ABCB4: variants seen among roughly 807,000 people sequenced by gnomAD.
The protein encoded by ABCB4 is phosphatidylcholine translocator ABCB4.
Under a neutral mutation model 145.7 loss-of-function variants are expected in ABCB4, and 76 were observed. The ratio of observed to expected loss-of-function variants is 0.52; its 90% CI spans 0.43 to 0.63. The LOEUF is 0.63. Ranked by LOEUF, ABCB4 falls within the 30% of genes least tolerant of loss-of-function variation. The probability of loss-of-function intolerance (pLI) is 0.00; values close to 1 mark genes in which losing one functional copy is unlikely to be tolerated. For synonymous variants in ABCB4, 517 were observed against 566.8 expected (o/e 0.91, Z 1.25); for missense variants, 1,234 against 1,553.1 (o/e 0.79, Z 3.45).
chr7:87,456,425 C>T (rs913996512), intron 4 of ABCB4, among the ~76,000 whole-genome samples: 5 of 152,132 alleles, frequency 3.3e-5, no homozygotes, highest in African/African-American at 1.2e-4. Context: ...AGATAATGAG[C>T]GAGTTCTCAC....
chr7:87,376,027 T>C, the ABCB4 span: 2 of 1,403,110 alleles, frequency 1.4e-6, no homozygotes, highest in Non-Finnish European at 1.9e-6. Flanking sequence ...AACATGGAAG[T>C]TTTTTTTCTT....
At chr7:87,406,590 G>T in intron 25 of ABCB4, 96 bp from the exon 26 acceptor site, 1 of 1,339,794 alleles carries the variant, frequency 7.5e-7, no homozygotes. Context: ...CGTTGCATGA[G>T]GGTGTCAGCA....
At position 87,422,210 on chromosome 7, in the gene ABCB4, C is replaced by T. The variant is rs188635838; in HGVS notation, c.2227G>A (p.Asp743Asn). The change falls in exon 18 of 28, where the codon GAT becomes AAT. Residue 743 changes from aspartate (D) to asparagine (N), a missense_variant. Around this residue, in one of 7 missense-constraint regions of ABCB4, gnomAD observed 321 missense variants for 332.6 expected, o/e 0.97. Transcript: ENST00000649586. ...SEIIAIFGPG[D>N]DAVKQQKCNI... ...CACTTCTGCTGCTTCACTGCATCATCGCCTGGTCCAAAAATCTACAAAAGA... is the reference window on the plus strand; with the variant it reads ...CACTTCTGCTGCTTCACTGCATCATTGCCTGGTCCAAAAATCTACAAAAGA... The T allele has an allele frequency of 9.3e-6, 15 of 1,613,298 alleles. No homozygotes were observed. The highest frequency in any genetic ancestry group is 4.4e-5 in the South Asian group (4 of 91,022).
Position 87,424,017 on chromosome 7 carries a change from G to C in ABCB4, c.2100C>G (p.Val700=), listed in dbSNP as rs199934741. The C allele has an allele frequency of 1.1e-5, 17 of 1,614,020 alleles. No individual in the cohort carries two copies. In the East Asian group the frequency reaches 3.6e-4, roughly 34 times the overall value. The change falls in exon 17 of 28, where the codon GTC becomes GTG. Residue 700 remains valine (V), a synonymous_variant. Coordinates refer to ENST00000649586, the MANE Select transcript of ABCB4 (RefSeq NM_000443.4). ...GCCATTCTGTTTTATTCAGTTTCAG[G>C]ACCTTCAGAAAGGACACTGGTGGCA... The part of the protein sequence containing the change: ...ANVPPVSFLK[V]LKLNKTEWPY...
the ABCB4 span, among the ~76,000 whole-genome samples, chr7:87,380,070 C>T: frequency 6.6e-6 from 1 of 152,014 alleles, no homozygotes; most frequent in South Asian, 2.1e-4. Context: ...ATGGTTGTAC[C>T]ACTGCACTCC....
intron 22 of ABCB4, among the ~76,000 whole-genome samples, chr7:87,413,221 T>C (rs1808744909): frequency 6.6e-6 from 1 of 152,214 alleles, no homozygotes; most frequent in Non-Finnish European, 1.5e-5. Context: ...ATGAAATACT[T>C]TCCTCTGGAA....
Position 87,459,585 on chromosome 7 carries a change from A to T in ABCB4, c.286+3173T>A, listed in dbSNP as rs552633468. ...TAACCCTGTGTAGAAGCCATTTAAAATTTTTTTTTTACTTTAAATTTATTT... is the reference window on the plus strand; with the variant it reads ...TAACCCTGTGTAGAAGCCATTTAAATTTTTTTTTTTACTTTAAATTTATTT... On this transcript the variant is annotated intron_variant, in intron 4 of 27. Coordinates refer to ENST00000649586, the MANE Select transcript of ABCB4 (RefSeq NM_000443.4). 1.1e-4 allele frequency among the ~76,000 whole-genome samples: 16 copies of T among 150,246 alleles called. No individual in the cohort carries two copies. In the East Asian group the frequency reaches 1.4e-3, roughly 13 times the overall value.
At position 87,449,989 on chromosome 7, in the gene ABCB4, C is replaced by T; in HGVS notation, c.812G>A (p.Gly271Asp). Residue 271 changes from glycine to aspartate, a missense_variant, in exon 8 of 28, where the codon GGC (glycine) becomes GAC (aspartate). Gly to Asp is a moderately conservative substitution (Grantham distance 94). This residue lies in a region of ABCB4 where 467 missense variants were observed against 632.8 expected (regional missense o/e 0.74). Coordinates refer to ENST00000649586, the MANE Select transcript of ABCB4 (RefSeq NM_000443.4). ...TGACCTTTCCAGCTCTTTGTTCTGG[C>T]CCCCGAAAGCTATCACAGTCCTGAT... ...GAIRTVIAFG[G>D]QNKELERYQK... The T allele has an allele frequency of 6.2e-7, 1 of 1,614,140 alleles. No individual in the cohort carries two copies. Among genetic ancestry groups the T allele is most frequent in the South Asian group, 1.1e-5 (1 of 91,084 alleles).
At chr7:87,421,481 T>C (rs1809427608) in intron 18 of ABCB4, among the ~76,000 whole-genome samples, 1 of 152,138 alleles carries the variant, frequency 6.6e-6, no homozygotes, top group Non-Finnish European at 1.5e-5. Flanking sequence ...GATTTCTAAA[T>C]AAAAAACTTG....
chr7:87,443,589 T>C, intron 11 of ABCB4, 74 bp downstream of exon 11: 1 of 1,530,292 alleles, frequency 6.5e-7, no homozygotes, highest in Non-Finnish European at 9.0e-7. Flanking sequence ...ATCAAAATAA[T>C]AGAGACTTTA....
chr7:87,429,903 C>CTT (rs747654191), intron 15 of ABCB4, among the ~76,000 whole-genome samples: 5 of 130,740 alleles, frequency 3.8e-5, no homozygotes, highest in Non-Finnish European at 4.8e-5. Context: ...TGTGTCAGGT[C>CTT]TTTTTTTTTT....
chr7:87,427,251 A>G (rs577617715), intron 15 of ABCB4, among the ~76,000 whole-genome samples: 3 of 152,224 alleles, frequency 2.0e-5, no homozygotes, highest in South Asian at 4.2e-4. Context: ...GGCCACCAAG[A>G]AAGGGAAGAA....
intron 23 of ABCB4, among the ~76,000 whole-genome samples, chr7:87,410,272 T>G (rs1178395663): frequency 2.0e-5 from 3 of 152,156 alleles, no homozygotes; most frequent in African/African-American, 7.2e-5. Context: ...GAGTGGGAGT[T>G]CTCTACTAAT....
chr7:87,395,571 C>G, the ABCB4 span, among the ~76,000 whole-genome samples: 1 of 152,206 alleles, frequency 6.6e-6, no homozygotes, highest in Non-Finnish European at 1.5e-5. Context: ...GTCTGTAAAG[C>G]TGTTAACTTT....
the ABCB4 span, among the ~76,000 whole-genome samples, chr7:87,372,950 G>A: frequency 2.6e-5 from 4 of 152,132 alleles, no homozygotes; most frequent in East Asian, 5.8e-4. Context: ...TTGTATACAG[G>A]TTTTCATGTA....
the ABCB4 span, among the ~76,000 whole-genome samples, chr7:87,394,858 T>A: frequency 1.3e-5 from 2 of 152,038 alleles, no homozygotes; most frequent in Non-Finnish European, 2.9e-5. Flanking sequence ...AGGTTTGGCT[T>A]TAAAAATGTC....
the ABCB4 span, among the ~76,000 whole-genome samples, chr7:87,367,315 C>G: frequency 6.6e-6 from 1 of 152,122 alleles, no homozygotes; most frequent in African/African-American, 2.4e-5. Flanking sequence ...AGAAGGGGTT[C>G]ATGAGCCCAA....
intron 12 of ABCB4, 54 bp downstream of exon 12, chr7:87,443,265 G>A: frequency 6.2e-7 from 1 of 1,612,112 alleles, no homozygotes. Context: ...CAATTTCAAA[G>A]GGCCAATTTG....
intron 14 of ABCB4, among the ~76,000 whole-genome samples, chr7:87,432,052 CT>C (rs1481082372): frequency 6.6e-6 from 1 of 152,094 alleles, no homozygotes; most frequent in Non-Finnish European, 1.5e-5. Flanking sequence ...GAAAATGTAC[CT>C]TGGGATCAGG....
Sources: allele counts gnomAD v4.1 joint callset (sites outside exome capture counted in the v4.1 genomes callset), GRCh38; gene constraint gnomAD v4.1.1; regional missense constraint gnomAD v4.1.1; transcripts MANE v1.5; gene names NCBI Gene and HGNC (gene_info 2026-07-23, HGNC 2026-07-21).